The following CLEC16A variants were observed in gnomAD, a reference collection of about 807,000 sequenced individuals.
The protein encoded by CLEC16A is C-type lectin domain containing 16A, also known as protein CLEC16A.
CLEC16A carries 51 observed loss-of-function variants against 109.5 expected under a neutral mutation model. That is an observed-to-expected ratio of 0.47 (90% CI 0.37 to 0.59). The LOEUF (loss-of-function observed/expected upper bound fraction) is 0.59, where lower values mean the gene tolerates loss of function less well. Among genes scored for constraint, CLEC16A ranks in the 20% least tolerant of loss-of-function variants. The pLI is 0.00. For missense variants in CLEC16A, 1,339 were observed against 1,394.0 expected (o/e 0.96, Z 0.63); for synonymous variants, 673 against 564.2 (o/e 1.19, Z -2.73).
At chr16:11,134,304 G>A (rs866545034) in intron 22 of CLEC16A, among the ~76,000 whole-genome samples, 4 of 150,014 alleles carry the variant, frequency 2.7e-5, no homozygotes, top group Middle Eastern at 3.4e-3. Flanking sequence ...AGAAAAATTT[G>A]TATCTATTTC....
chr16:11,119,628 G>A (rs2052253380), intron 19 of CLEC16A, among the ~76,000 whole-genome samples: 1 of 152,134 alleles, frequency 6.6e-6, no homozygotes, highest in African/African-American at 2.4e-5. Flanking sequence ...CTGAGCTGAA[G>A]CGATCCTCCC....
intron 23 of CLEC16A, among the ~76,000 whole-genome samples, chr16:11,170,253 G>A (rs901955445): frequency 4.6e-5 from 7 of 152,178 alleles, no homozygotes; most frequent in Non-Finnish European, 1.5e-5. Flanking sequence ...GTGAAGGCCT[G>A]CTAACATGTA....
intron 23 of CLEC16A, among the ~76,000 whole-genome samples, chr16:11,169,644 C>T (rs2068422277): frequency 6.6e-6 from 1 of 152,228 alleles, no homozygotes; most frequent in African/African-American, 2.4e-5. Flanking sequence ...CAAGATATGC[C>T]ATCCCCCAAG....
chr16:11,070,539 A>G (rs1002343938), intron 19 of CLEC16A: 4 of 152,158 alleles, frequency 2.6e-5, no homozygotes, highest in African/African-American at 7.2e-5. Flanking sequence ...TTATTGCAGT[A>G]GTCTCTTGCC....
At chr16:11,045,565 C>T (rs1283707868) in intron 16 of CLEC16A, among the ~76,000 whole-genome samples, 2 of 152,076 alleles carry the variant, frequency 1.3e-5, no homozygotes, top group Non-Finnish European at 2.9e-5. Context: ...TGGTGGGGAG[C>T]AGAAACACTC....
chr16:11,090,811 A>ATTTTTTTTT (rs71136616), intron 19 of CLEC16A, among the ~76,000 whole-genome samples: 1 of 80,682 alleles, frequency 1.2e-5, no homozygotes, highest in African/African-American at 5.7e-5. Flanking sequence ...TACCCAGCTA[A>ATTTTTTTTT]TTTTTTTTTT....
chr16:10,990,813 A>G (rs536161130), intron 10 of CLEC16A, among the ~76,000 whole-genome samples: 1 of 152,278 alleles, frequency 6.6e-6, no homozygotes, highest in East Asian at 1.9e-4. Flanking sequence ...TTAAAATCAG[A>G]AAATTGAGGG....
In CLEC16A at chr16:11,138,902, G is replaced by A. The variant is rs946676706; in HGVS notation, c.2641+12756G>A. On this transcript the variant is annotated intron_variant, in intron 22 of 23. Coordinates refer to ENST00000409790, the MANE Select transcript of CLEC16A (RefSeq NM_015226.3). ...AATAGGCATCTCCAAGTGCCCTTGC[G>A]CAAGGGTTTCCTCAGGGTAAATAAC... is the stretch of plus-strand genomic sequence containing the variant. Among the ~76,000 whole-genome samples, 7 of 152,022 alleles carry A rather than the reference G, an allele frequency of 4.6e-5. No individual in the cohort carries two copies. In the South Asian group the frequency reaches 6.2e-4, roughly 14 times the overall value.
intron 7 of CLEC16A, among the ~76,000 whole-genome samples, chr16:10,974,286 C>G (rs1293793164): frequency 6.6e-6 from 1 of 152,026 alleles, no homozygotes; most frequent in African/African-American, 2.4e-5. Context: ...TACCAAAAAC[C>G]ATTACATTGT....
intron 22 of CLEC16A, among the ~76,000 whole-genome samples, chr16:11,152,307 C>G (rs775817442): frequency 2.0e-5 from 3 of 152,216 alleles, no homozygotes; most frequent in African/African-American, 7.2e-5. Flanking sequence ...CTAGCACACC[C>G]ACAAGATCTT....
intron 19 of CLEC16A, among the ~76,000 whole-genome samples, chr16:11,082,006 T>C (rs183586022): frequency 4.6e-5 from 7 of 152,292 alleles, no homozygotes; most frequent in Non-Finnish European, 5.9e-5. Flanking sequence ...CACTCCAGCC[T>C]GGGCGACAGA....
intron 16 of CLEC16A, among the ~76,000 whole-genome samples, chr16:11,044,427 A>G (rs112998641): frequency 6.6e-6 from 1 of 152,238 alleles, no homozygotes; most frequent in African/African-American, 2.4e-5. Context: ...TAAGTTATAT[A>G]TGCTTACACA....
rs2068887400 is a variant in CLEC16A at position 11,179,324 on chromosome 16, T to G, written c.*634T>G. 6.6e-6 allele frequency: 1 copy of G among 152,244 alleles called. No individual in the cohort carries two copies. 9.4% of individuals were successfully genotyped at this position (152,244 alleles called of 1,614,324 possible). A position where few individuals can be genotyped will look rare whatever the true frequency, so the allele number is the denominator to read the frequency against. On this transcript the variant is annotated 3_prime_UTR_variant, in exon 24 of 24. Coordinates refer to ENST00000409790, the MANE Select transcript of CLEC16A (RefSeq NM_015226.3). ...TTCTTAGTGTGGCTTTTTCCATTTA[T>G]TTAAGTGATTCTTTGTTACTCACTA...
chr16:10,952,771 T>G (rs2041799794), intron 1 of CLEC16A, among the ~76,000 whole-genome samples: 1 of 152,200 alleles, frequency 6.6e-6, no homozygotes. Context: ...CTACTGAGTA[T>G]TTCTGTATAC....
rs530270576 is a variant in CLEC16A, at chr16:11,086,535, TTTTGTTTG to T, written c.2116+25529_2116+25536del. On this transcript the variant is annotated intron_variant, in intron 19 of 23. Coordinates refer to ENST00000409790, the MANE Select transcript of CLEC16A (RefSeq NM_015226.3). ...GGGGATGGTGAGAGCCGAGACATTA[TTTTGTTTG>T]TTTGTTTGTTTGTTTTGAGACGGAG... 5.3e-5 allele frequency among the ~76,000 whole-genome samples: 8 copies of T among 151,768 alleles called. No individual in the cohort carries two copies. In the East Asian group the frequency reaches 1.4e-3, roughly 26 times the overall value.
In CLEC16A at chr16:10,973,103, G is replaced by A. The variant is rs1366075231; in HGVS notation, c.728+42G>A. ...GGGCCACTCAGTAGATAGACAGGGT[G>A]GTTAGGGGAGAATTCTGTTTTCATC... is the stretch of plus-strand genomic sequence containing the variant. On this transcript the variant is annotated intron_variant, in intron 7 of 23. Transcript: ENST00000409790. 1.9e-6 allele frequency: 3 copies of A among 1,553,822 alleles called. No homozygotes were observed. The Admixed American group carries it at 6.1e-5, about 31-fold the overall frequency.
Position 10,985,459 on chromosome 16 carries a change from T to A in CLEC16A, c.1071+2468T>A, listed in dbSNP as rs1466309915. ...GCCTGCCCCCATCAGATGAGGCGTG[T>A]TTACCGTGAAACCTGCCCACTGCTA... On this transcript the variant is annotated intron_variant, in intron 10 of 23. Coordinates refer to ENST00000409790, the MANE Select transcript of CLEC16A (RefSeq NM_015226.3). Among the ~76,000 whole-genome samples the A allele has an allele frequency of 8.6e-5, 13 of 151,920 alleles. No homozygotes were observed. The East Asian group carries it at 2.5e-3, about 29-fold the overall frequency.
Position 11,047,355 on chromosome 16 carries a change from C to T in CLEC16A, c.1866+13C>T. On this transcript the variant is annotated intron_variant, in intron 17 of 23. Coordinates refer to ENST00000409790, the MANE Select transcript of CLEC16A (RefSeq NM_015226.3). Reference sequence around the variant, plus strand: ...TAGGAGCATGACAGTAAGTGAGGGGCTGGGACACACTTGGGCTGGTGTGCG... The same window carrying T: ...TAGGAGCATGACAGTAAGTGAGGGGTTGGGACACACTTGGGCTGGTGTGCG... 6.2e-7 allele frequency: 1 copy of T among 1,602,802 alleles called. No individual in the cohort carries two copies. The highest frequency in any genetic ancestry group is 8.5e-7 in the Non-Finnish European group (1 of 1,174,716).
intron 22 of CLEC16A, among the ~76,000 whole-genome samples, chr16:11,127,774 G>A (rs2052931319): frequency 6.6e-6 from 1 of 152,154 alleles, no homozygotes; most frequent in Admixed American, 6.5e-5. Flanking sequence ...GGAGGCTGAG[G>A]TGGGAGGGTC....
Sources: allele counts gnomAD v4.1 joint callset (sites outside exome capture counted in the v4.1 genomes callset), GRCh38; gene constraint gnomAD v4.1.1; transcripts MANE v1.5; gene names NCBI Gene and HGNC (gene_info 2026-07-23, HGNC 2026-07-21).